Variants in HTD2 observed in about 807,000 individuals in gnomAD.
The protein encoded by HTD2 is hydroxyacyl-thioester dehydratase type 2.
Under a neutral mutation model 3.1 loss-of-function variants are expected in HTD2, and 1 was observed. That is an observed-to-expected ratio of 0.32 (90% CI 0.11 to 1.52). The LOEUF is 1.52. Among genes scored for constraint, HTD2 ranks in the 40% most tolerant of loss-of-function variants. HTD2 has a pLI of 0.39. For missense variants in HTD2, 150 were observed against 79.6 expected (o/e 1.88, Z -3.36); for synonymous variants, 50 against 28.9 (o/e 1.73, Z -2.34).
rs1261731293 is a variant in HTD2, at chr3:58,317,649, G to A, written c.36G>A (p.Trp12Ter). ...TAATTTCCAGCCATCACCTTTGGTG[G>A]GGTGGGCTTCGGAGGACAGTCTGTC... ...FPLISSHHLW[W>*]GGLRRTVCLN... Residue 12 changes from tryptophan to a stop codon, truncating the protein, a stop_gained, in exon 5 of 5, where the codon TGG (tryptophan) becomes TGA (stop). Transcript: ENST00000461393. LOFTEE classifies it high-confidence loss of function. 1 of 718,336 alleles carries A rather than the reference G, an allele frequency of 1.4e-6. No individual in the cohort carries two copies. Among genetic ancestry groups the A allele is most frequent in the African/African-American group, 1.7e-5 (1 of 57,518 alleles). 44.5% of individuals were successfully genotyped at this position (718,336 alleles called of 1,614,324 possible). A position where few individuals can be genotyped will look rare whatever the true frequency, so the allele number is the denominator to read the frequency against.
rs1298896167 is a variant in HTD2 at position 58,317,550 on chromosome 3, G to A, written c.-64G>A. ...CATCCACTCTCATATTTATTTTTTG[G>A]TGCCTGCATGTTTGAAGACTGAAGC... On this transcript the variant is annotated 5_prime_UTR_variant, in exon 5 of 5. It adds an upstream start codon to the 5' untranslated region. Transcript: ENST00000461393. 1.7e-5 allele frequency: 21 copies of A among 1,217,554 alleles called. No individual in the cohort carries two copies. Among genetic ancestry groups the A allele is most frequent in the Non-Finnish European group, 2.3e-5 (19 of 831,916 alleles). The allele number at this position is 1,217,554 out of a possible 1,614,324, so 75.4% of individuals were successfully genotyped here. A position where few individuals can be genotyped will look rare whatever the true frequency, so the allele number is the denominator to read the frequency against.
At chr3:58,311,467 T>C (rs1199676799) in intron 2 of HTD2, among the ~76,000 whole-genome samples, 1 of 152,214 alleles carries the variant, frequency 6.6e-6, no homozygotes, top group African/African-American at 2.4e-5. Context: ...TCTGCTTTTT[T>C]AGCTCTCACA....
Position 58,317,680 on chromosome 3 carries a change from C to T in HTD2, c.67C>T (p.Leu23=), listed in dbSNP as rs960476631. The T allele has an allele frequency of 2.8e-6, 2 of 705,218 alleles. No homozygotes were observed. Among genetic ancestry groups the T allele is most frequent in the Admixed American group, 4.0e-5 (2 of 50,004 alleles). The allele number at this position is 705,218 out of a possible 1,614,324, so 43.7% of individuals were successfully genotyped here. A position where few individuals can be genotyped will look rare whatever the true frequency, so the allele number is the denominator to read the frequency against. Residue 23 remains leucine, a synonymous_variant, in exon 5 of 5, where the codon CTG becomes TTG. Transcript: ENST00000461393. ...GGLRRTVCLN[L]PVLTLQHFQH... is the part of the protein sequence containing the mutation. ...GCTTCGGAGGACAGTCTGTCTGAAC[C>T]TGCCAGTGCTGACCCTGCAGCACTT...
chr3:58,312,352 C>T (rs1260766822), intron 2 of HTD2, among the ~76,000 whole-genome samples: 2 of 139,264 alleles, frequency 1.4e-5, no homozygotes, highest in South Asian at 2.7e-4. Flanking sequence ...CCGCCCCTCC[C>T]GGATTCAAGT....
intron 3 of HTD2, 66 bp from the exon 4 acceptor site, chr3:58,316,849 C>G: frequency 7.5e-7 from 1 of 1,324,974 alleles, no homozygotes; most frequent in Non-Finnish European, 1.1e-6. Flanking sequence ...ATTTTAGAAA[C>G]CTTAGTTGAA....
rs1207426305 is a variant in HTD2, at chr3:58,319,978, C to G, written c.*1858C>G. 1 of 152,128 alleles carries G rather than the reference C, an allele frequency of 6.6e-6. No individual in the cohort carries two copies. The allele number at this position is 152,128 out of a possible 1,614,324, so 9.4% of individuals were successfully genotyped here. A position where few individuals can be genotyped will look rare whatever the true frequency, so the allele number is the denominator to read the frequency against. The stretch of plus-strand genomic sequence containing the variant: ...AAAGAACCTCCCATTAGCAGTCAAT[C>G]CATTTCTCTCCTCCAGTCTTTGGGA... On this transcript the variant is annotated 3_prime_UTR_variant, in exon 5 of 5. Coordinates refer to ENST00000461393, the MANE Select transcript of HTD2 (RefSeq NM_001348712.2).
At chr3:58,311,849 G>A (rs1050705633) in intron 2 of HTD2, among the ~76,000 whole-genome samples, 2 of 151,912 alleles carry the variant, frequency 1.3e-5, no homozygotes, top group Non-Finnish European at 2.9e-5. Flanking sequence ...TGGATTAAAT[G>A]GTATTCTATT....
rs73835153 is a variant in HTD2, at chr3:58,318,248, A to G, written c.*128A>G. 0.016 allele frequency: 9,435 copies of G among 577,322 alleles called. 719 individuals carry two copies. Among genetic ancestry groups the G allele is most frequent in the African/African-American group, 0.16 (8,474 of 53,472 alleles). The allele number at this position is 577,322 out of a possible 1,614,324, so 35.8% of individuals were successfully genotyped here. A position where few individuals can be genotyped will look rare whatever the true frequency, so the allele number is the denominator to read the frequency against. Reference sequence around the variant, plus strand: ...CCCATCTTAGTTAGGGGAAGGGAGCAGGAAGAGGGTTGTTCAAATGCCCAC... The same window carrying G: ...CCCATCTTAGTTAGGGGAAGGGAGCGGGAAGAGGGTTGTTCAAATGCCCAC... On this transcript the variant is annotated 3_prime_UTR_variant, in exon 5 of 5. Transcript: ENST00000461393.
intron 2 of HTD2, among the ~76,000 whole-genome samples, 198 bp from the exon 3 acceptor site, chr3:58,316,314 GACA>G (rs2097488234): frequency 2.0e-5 from 3 of 152,220 alleles, no homozygotes; most frequent in Admixed American, 2.0e-4. Flanking sequence ...AAGGATGAGA[GACA>G]TCAGCCATAT....
intron 3 of HTD2, 104 bp downstream of exon 3, chr3:58,316,695 T>A: frequency 1.8e-6 from 2 of 1,098,700 alleles, no homozygotes; most frequent in Non-Finnish European, 2.7e-6. Flanking sequence ...TTGTGAACTC[T>A]GAGCAGCTTT....
chr3:58,310,668 C>T lies in HTD2; in HGVS notation c.-331+77C>T, dbSNP rs868485516. ...CAGAAAGAGGCCGGGCGCGGTAGCT[C>T]ACGCCTGTAATCCCAGCACTTTGGA... is the stretch of plus-strand genomic sequence containing the variant. On this transcript the variant is annotated intron_variant, in intron 2 of 4. Transcript: ENST00000461393. 192 of 1,274,500 alleles carry T rather than the reference C, an allele frequency of 1.5e-4. 2 individuals carry two copies. The Middle Eastern group carries it at 9.3e-3, about 62-fold the overall frequency. 78.9% of individuals were successfully genotyped at this position (1,274,500 alleles called of 1,614,324 possible).
chr3:58,316,946 C>T lies in HTD2; in HGVS notation c.-222C>T, dbSNP rs373134869. 8 of 1,613,782 alleles carry T rather than the reference C, an allele frequency of 5.0e-6. No homozygotes were observed. The African/African-American group carries it at 1.1e-4, about 22-fold the overall frequency. ...TGTCAAATTGTGGAGCTCTTTGACC[C>T]TGTTAGGATCCTATAAAGGCAAAAA... On this transcript the variant is annotated 5_prime_UTR_variant, in exon 4 of 5. Transcript: ENST00000461393.
chr3:58,316,050 C>A (rs2097487969), intron 2 of HTD2, among the ~76,000 whole-genome samples: 2 of 152,144 alleles, frequency 1.3e-5, no homozygotes, highest in Non-Finnish European at 2.9e-5. Flanking sequence ...AAAAAAATAT[C>A]CCTGTGTGTA....
intron 1 of HTD2, among the ~76,000 whole-genome samples, chr3:58,308,406 C>T (rs1185400831): frequency 6.6e-6 from 1 of 152,104 alleles, no homozygotes; most frequent in African/African-American, 2.4e-5. Flanking sequence ...ACCTCAGCCC[C>T]TGGAGTAGCT....
chr3:58,318,172 C>T lies in HTD2; in HGVS notation c.*52C>T. Reference sequence around the variant, plus strand: ...AAACACCAATGCTGTTGTTAAAGAGCCTATGGGGAATTGCTGCTCTTTACC... The same window carrying T: ...AAACACCAATGCTGTTGTTAAAGAGTCTATGGGGAATTGCTGCTCTTTACC... On this transcript the variant is annotated 3_prime_UTR_variant, in exon 5 of 5. Transcript: ENST00000461393. 6.6e-6 allele frequency: 4 copies of T among 606,994 alleles called. No individual in the cohort carries two copies. Among genetic ancestry groups the T allele is most frequent in the South Asian group, 2.0e-5 (1 of 49,704 alleles). 37.6% of individuals were successfully genotyped at this position (606,994 alleles called of 1,614,324 possible).
rs137919397 is a variant in HTD2, at chr3:58,307,318, G to C, written c.-416+667G>C. Among the ~76,000 whole-genome samples the C allele has an allele frequency of 1.1e-4, 16 of 152,372 alleles. No homozygotes were observed. In the East Asian group the frequency reaches 3.1e-3, roughly 29 times the overall value. The stretch of plus-strand genomic sequence containing the variant: ...GCAGAGGAATGATGTAGCTTGAGTA[G>C]ATGTTAATAGACTCACTGGCCGCCG... On this transcript the variant is annotated intron_variant, in intron 1 of 4. Coordinates refer to ENST00000461393, the MANE Select transcript of HTD2 (RefSeq NM_001348712.2).
intron 2 of HTD2, among the ~76,000 whole-genome samples, chr3:58,310,978 AAAAT>A (rs1348778274): frequency 1.9e-4 from 29 of 151,932 alleles, no homozygotes; most frequent in African/African-American, 7.0e-4. Flanking sequence ...AAAAAAAAAA[AAAAT>A]AAATTATACA....
intron 1 of HTD2, chr3:58,309,962 G>A (rs1271954192): frequency 4.9e-6 from 1 of 204,926 alleles, no homozygotes; most frequent in Non-Finnish European, 1.0e-5. Context: ...CACTTTGGGA[G>A]GCTGAGTTGG....
At chr3:58,315,019 C>T (rs1184773356) in intron 2 of HTD2, among the ~76,000 whole-genome samples, 2 of 152,064 alleles carry the variant, frequency 1.3e-5, no homozygotes, top group African/African-American at 4.8e-5. Flanking sequence ...GTGCATCTGC[C>T]ATAGAACCCA....
Sources: gnomAD v4.1 joint callset for allele counts (sites outside exome capture counted in the v4.1 genomes callset) on GRCh38, gnomAD v4.1.1 for gene constraint, MANE v1.5 for transcripts, NCBI Gene and HGNC (gene_info 2026-07-23, HGNC 2026-07-21) for gene names.